PCAT7: variants seen among roughly 807,000 people sequenced by gnomAD.
The protein encoded by PCAT7 is prostate cancer associated transcript 7 (non-protein coding).
intron 2 of PCAT7, chr9:94,571,704 C>T (rs1194130324): frequency 4.5e-6 from 5 of 1,102,352 alleles, no homozygotes; most frequent in East Asian, 2.6e-5. Flanking sequence ...CTGAAGGAAG[C>T]GCGGTTCTTT....
At position 94,558,716 on chromosome 9, in the gene PCAT7, G is replaced by A. The variant is rs367748195; in HGVS notation, n.258-253G>A. On this transcript the variant is annotated intron_variant and non_coding_transcript_variant, in intron 1 of 8. Coordinates refer to ENST00000647389, the Ensembl canonical transcript of PCAT7. ...TTCTGACAGAAGACAAGCCAAAGTC[G>A]CACTTTCCACATGTGGGTTTTTATT... is the stretch of plus-strand genomic sequence containing the variant. 5.3e-4 allele frequency: 267 copies of A among 504,822 alleles called. 4 individuals are homozygous for A. The South Asian group carries it at 5.7e-3, about 11-fold the overall frequency. 31.3% of individuals were successfully genotyped at this position (504,822 alleles called of 1,614,324 possible). A position where few individuals can be genotyped will look rare whatever the true frequency, so the allele number is the denominator to read the frequency against.
At chr9:94,570,152 T>C (rs1827251868) in intron 2 of PCAT7, 2 of 152,240 alleles carry the variant, frequency 1.3e-5, no homozygotes, top group Non-Finnish European at 2.9e-5. Context: ...CTTTCATGAC[T>C]GAGGGCAGAA....
intron 2 of PCAT7, chr9:94,570,410 T>C (rs575841515): frequency 4.6e-5 from 7 of 152,346 alleles, no homozygotes; most frequent in African/African-American, 1.7e-4. Flanking sequence ...TTTCCCCATC[T>C]GAAAATGGGA....
At chr9:94,568,564 C>T (rs1827227228) in intron 2 of PCAT7, 1 of 152,142 alleles carries the variant, frequency 6.6e-6, no homozygotes, top group Non-Finnish European at 1.5e-5. Context: ...AATGACAGCT[C>T]ACAGTTGGCA....
intron 3 of PCAT7, among the ~76,000 whole-genome samples, chr9:94,573,282 A>G (rs1827287149): frequency 6.6e-6 from 1 of 152,194 alleles, no homozygotes; most frequent in Non-Finnish European, 1.5e-5. Context: ...TTTCAGAGAC[A>G]GGGTCTTGCT....
chr9:94,559,011 G>A lies in PCAT7; in HGVS notation n.300G>A, dbSNP rs1244760639. On this transcript the variant is annotated non_coding_transcript_exon_variant, in exon 2 of 9. Transcript: ENST00000647389. ...ATCCTCTGGTGACCCCAGAATGAGG[G>A]GGACTCGCTGGTGAATTGCCTCGGG... 1 of 1,614,102 alleles carries A rather than the reference G, an allele frequency of 6.2e-7. No individual in the cohort carries two copies. The highest frequency in any genetic ancestry group is 1.7e-5 in the Admixed American group (1 of 60,022).
intron 2 of PCAT7, chr9:94,567,355 CCTTT>C (rs1827204751): frequency 1.2e-6 from 2 of 1,614,026 alleles, no homozygotes; most frequent in Admixed American, 1.7e-5. Flanking sequence ...GTAAATCTTT[CCTTT>C]CTTCTTAATC....
intron 2 of PCAT7, among the ~76,000 whole-genome samples, chr9:94,565,387 G>GAC (rs1827171485): frequency 2.4e-5 from 2 of 82,936 alleles, no homozygotes; most frequent in Admixed American, 2.6e-4. Flanking sequence ...AAAAAAAAAA[G>GAC]ATGTTCCCAG....
At chr9:94,559,236 T>A in intron 2 of PCAT7, 1 of 945,824 alleles carries the variant, frequency 1.1e-6, no homozygotes, top group Non-Finnish European at 1.6e-6. Flanking sequence ...TGCTTCCATC[T>A]GGCTAGCATG....
chr9:94,566,003 T>G (rs184608227), intron 2 of PCAT7, among the ~76,000 whole-genome samples: 2 of 152,316 alleles, frequency 1.3e-5, no homozygotes, highest in Admixed American at 1.3e-4. Context: ...GCCACAGTTT[T>G]AGCAGAAAAA....
At chr9:94,557,765 A>C (rs1827031717) in intron 1 of PCAT7, among the ~76,000 whole-genome samples, 1 of 152,310 alleles carries the variant, frequency 6.6e-6, no homozygotes, top group South Asian at 2.1e-4. Context: ...CTTTGCTTTA[A>C]ATACTTCTGG....
chr9:94,554,975 T>A (rs1826984529), upstream of PCAT7: 1 of 152,246 alleles, frequency 6.6e-6, no homozygotes, highest in African/African-American at 2.4e-5. Context: ...GAAAAACCTC[T>A]AGGCCTACTC....
At chr9:94,571,325 C>G in intron 2 of PCAT7, 2 of 917,104 alleles carry the variant, frequency 2.2e-6, no homozygotes, top group Non-Finnish European at 3.0e-6. Flanking sequence ...TTTTGGCTCC[C>G]CAAACTAGGC....
intron 2 of PCAT7, among the ~76,000 whole-genome samples, chr9:94,563,836 CA>C (rs1173066936): frequency 6.6e-6 from 1 of 152,106 alleles, no homozygotes; most frequent in African/African-American, 2.4e-5. Context: ...GCAGGGGCTG[CA>C]ATCCTAATTT....
intron 2 of PCAT7, chr9:94,559,203 T>TG: frequency 1.4e-6 from 2 of 1,410,380 alleles, no homozygotes; most frequent in Admixed American, 2.0e-5. Flanking sequence ...CCCCTAAAGC[T>TG]GGGGGAGGAG....
At chr9:94,561,523 T>C (rs1215984025) in intron 2 of PCAT7, among the ~76,000 whole-genome samples, 2 of 152,002 alleles carry the variant, frequency 1.3e-5, no homozygotes, top group East Asian at 1.9e-4. Flanking sequence ...CCACCACGCC[T>C]GGCTAATTAT....
chr9:94,567,417 T>TGAAGAG, intron 2 of PCAT7: 1 of 1,612,660 alleles, frequency 6.2e-7, no homozygotes, highest in Non-Finnish European at 8.5e-7. Context: ...CCTAGCAACA[T>TGAAGAG]GAAGAGAGAT....
intron 2 of PCAT7, chr9:94,569,817 A>T (rs1587840561): frequency 6.6e-6 from 1 of 152,306 alleles, no homozygotes; most frequent in East Asian, 1.9e-4. Flanking sequence ...GTGTGTTCTG[A>T]CAAAATCAAA....
intron 2 of PCAT7, chr9:94,567,716 A>G (rs1827212169): frequency 3.3e-6 from 1 of 300,834 alleles, no homozygotes; most frequent in Non-Finnish European, 6.2e-6. Flanking sequence ...TTTATGGTGA[A>G]CCCAACTGTG....
Sources: gnomAD v4.1 joint callset for allele counts (sites outside exome capture counted in the v4.1 genomes callset) on GRCh38, gnomAD v4.1.1 for gene constraint, MANE v1.5 for transcripts, NCBI Gene and HGNC (gene_info 2026-07-23, HGNC 2026-07-21) for gene names.